The following GPR149 variants were observed in gnomAD, a reference collection of about 807,000 sequenced individuals.
GPR149 encodes G protein-coupled receptor 149.
Under a neutral mutation model 50.2 loss-of-function variants are expected in GPR149, and 50 were observed. That is an observed-to-expected ratio of 1.00 (90% CI 0.79 to 1.26). The LOEUF (loss-of-function observed/expected upper bound fraction) is 1.26, where lower values mean the gene tolerates loss of function less well. GPR149 is among the 50% of genes most tolerant of loss of function. The pLI, the probability that GPR149 is intolerant of heterozygous loss-of-function variation, is 0.00. For missense variants in GPR149, 983 were observed against 895.4 expected (o/e 1.10, Z -1.25); for synonymous variants, 405 against 358.2 (o/e 1.13, Z -1.48).
At chr3:154,368,329 G>T (rs528210162) in intron 3 of GPR149, among the ~76,000 whole-genome samples, 35 of 152,308 alleles carry the variant, frequency 2.3e-4, no homozygotes, top group African/African-American at 8.4e-4. Context: ...AATTTTTGGG[G>T]TAGTGCCCAG....
At chr3:154,368,098 C>G (rs1176342619) in intron 3 of GPR149, among the ~76,000 whole-genome samples, 1 of 152,146 alleles carries the variant, frequency 6.6e-6, no homozygotes, top group Non-Finnish European at 1.5e-5. Flanking sequence ...CCGAAGTACA[C>G]CCGGGAGTTA....
intron 3 of GPR149, among the ~76,000 whole-genome samples, chr3:154,371,376 T>C (rs568700262): frequency 6.6e-6 from 1 of 152,250 alleles, no homozygotes; most frequent in African/African-American, 2.4e-5. Flanking sequence ...TGTCCATATA[T>C]ACTGAACAGG....
intron 3 of GPR149, among the ~76,000 whole-genome samples, chr3:154,394,511 C>T (rs2108414460): frequency 6.6e-6 from 1 of 152,052 alleles, no homozygotes; most frequent in Non-Finnish European, 1.5e-5. Context: ...ATGCCAAAAG[C>T]ATGGGCAACA....
In GPR149 at chr3:154,428,730, G is replaced by T. The variant is rs755021923; in HGVS notation, c.886C>A (p.Leu296Ile). Residue 296 changes from leucine (L) to isoleucine (I), a missense_variant, in exon 1 of 4, where the codon CTC becomes ATC. Physicochemically the swap from Leu to Ile is conservative, Grantham distance 5 (BLOSUM62 2). Coordinates refer to ENST00000389740, the MANE Select transcript of GPR149 (RefSeq NM_001038705.3). ...ACGGTGAAGCTCCTGGTGCCATAGAGAGTCCCCCGGTTCTCACGCCTGCAG... is the reference window on the plus strand; with the variant it reads ...ACGGTGAAGCTCCTGGTGCCATAGATAGTCCCCCGGTTCTCACGCCTGCAG... ...EACRRENRGT[L>I]YGTRSFTVSV... is the part of the protein sequence containing the mutation. 6.2e-7 allele frequency: 1 copy of T among 1,614,100 alleles called. No homozygotes were observed. Among genetic ancestry groups the T allele is most frequent in the Non-Finnish European group, 8.5e-7 (1 of 1,180,030 alleles).
At position 154,428,896 on chromosome 3, in the gene GPR149, C is replaced by A; in HGVS notation, c.720G>T (p.Gly240=). The change falls in exon 1 of 4, where the codon GGG becomes GGT. Residue 240 remains glycine (G), a synonymous_variant. Coordinates refer to ENST00000389740, the MANE Select transcript of GPR149 (RefSeq NM_001038705.3). The part of the protein sequence containing the change: ...QEISRGASIP[G]TPPTAGRVVS... ...CCACTCTCCCCGCAGTAGGAGGGGT[C>A]CCAGGAATTGAAGCTCCACGGGAAA... 1 of 1,614,036 alleles carries A rather than the reference C, an allele frequency of 6.2e-7. No individual in the cohort carries two copies. The highest frequency in any genetic ancestry group is 8.5e-7 in the Non-Finnish European group (1 of 1,179,960).
intron 3 of GPR149, among the ~76,000 whole-genome samples, chr3:154,415,249 T>C (rs1395594938): frequency 6.6e-6 from 1 of 151,904 alleles, no homozygotes; most frequent in Non-Finnish European, 1.5e-5. Context: ...AATTCTTAGC[T>C]AACAGATAAA....
chr3:154,354,700 G>A, intron 3 of GPR149: 1 of 482,268 alleles, frequency 2.1e-6, no homozygotes, highest in South Asian at 2.7e-5. Flanking sequence ...GTACAAATTA[G>A]GTTCAATAAA....
chr3:154,363,034 T>A (rs953457671), intron 3 of GPR149, among the ~76,000 whole-genome samples: 4 of 152,128 alleles, frequency 2.6e-5, no homozygotes, highest in Admixed American at 6.5e-5. Flanking sequence ...AAAGGTCTTG[T>A]AGAAAGAAAG....
chr3:154,412,144 C>T (rs186741050), intron 3 of GPR149, among the ~76,000 whole-genome samples: 36 of 152,156 alleles, frequency 2.4e-4, no homozygotes, highest in African/African-American at 7.9e-4. Context: ...TGACAAAAGT[C>T]CAGCATCTCT....
rs1363162382 is a variant in GPR149, at chr3:154,338,025, T to C, written c.1870A>G (p.Ile624Val). The stretch of plus-strand genomic sequence containing the variant: ...TCCAAGGCCTCTTCATTATCACAAA[T>C]TTCAAGAACCTCCAAGTGTATTTTC... ...SVKIHLEVLE[I>V]CDNEEALDTV... Residue 624 changes from isoleucine (I) to valine (V), a missense_variant, in exon 4 of 4, where the codon ATT becomes GTT. Ile to Val is a conservative substitution (Grantham distance 29, BLOSUM62 3). Coordinates refer to ENST00000389740, the MANE Select transcript of GPR149 (RefSeq NM_001038705.3). 1.9e-6 allele frequency: 3 copies of C among 1,614,196 alleles called. No homozygotes were observed. Among genetic ancestry groups the C allele is most frequent in the Admixed American group, 3.3e-5 (2 of 60,014 alleles).
At position 154,338,111 on chromosome 3, in the gene GPR149, T is replaced by G; in HGVS notation, c.1784A>C (p.Lys595Thr). Residue 595 changes from lysine (K) to threonine (T), a missense_variant, in exon 4 of 4, where the codon AAA (lysine) becomes ACA (threonine). Coordinates refer to ENST00000389740, the MANE Select transcript of GPR149 (RefSeq NM_001038705.3). ...TGAGTTTGGTTCATGGCCAACACTT[T>G]TGGATCGATAGACTTCTATTTTCTT... ...ASKKIEVYRS[K>T]SVGHEPNSED... is the part of the protein sequence containing the mutation. 1 of 1,614,170 alleles carries G rather than the reference T, an allele frequency of 6.2e-7. No individual in the cohort carries two copies. Among genetic ancestry groups the G allele is most frequent in the Non-Finnish European group, 8.5e-7 (1 of 1,180,022 alleles).
chr3:154,367,161 ACTCACTC>A (rs1195555955), intron 3 of GPR149, among the ~76,000 whole-genome samples: 2 of 152,026 alleles, frequency 1.3e-5, no homozygotes, highest in African/African-American at 4.8e-5. Flanking sequence ...AAGCTGTGAA[ACTCACTC>A]CTTTCCTGCA....
chr3:154,415,652 T>C (rs948746984), intron 3 of GPR149, among the ~76,000 whole-genome samples: 3 of 152,018 alleles, frequency 2.0e-5, no homozygotes, highest in Admixed American at 1.3e-4. Flanking sequence ...TAAAAATATA[T>C]GCATAGAAAA....
intron 3 of GPR149, among the ~76,000 whole-genome samples, chr3:154,358,079 G>A (rs901301106): frequency 2.0e-5 from 3 of 149,302 alleles, no homozygotes; most frequent in African/African-American, 4.9e-5. Flanking sequence ...TCATAGGTGG[G>A]AATGGAACAA....
chr3:154,425,069 A>G (rs545934599), intron 2 of GPR149, among the ~76,000 whole-genome samples: 9 of 152,064 alleles, frequency 5.9e-5, no homozygotes, highest in South Asian at 2.1e-4. Flanking sequence ...CAAAACAACA[A>G]CAACAACAAA....
At chr3:154,365,572 G>A (rs1364823942) in intron 3 of GPR149, among the ~76,000 whole-genome samples, 1 of 151,966 alleles carries the variant, frequency 6.6e-6, no homozygotes, top group African/African-American at 2.4e-5. Context: ...TCAATCTCGA[G>A]CATTTTTTCT....
chr3:154,392,689 A>T (rs970871646), intron 3 of GPR149, among the ~76,000 whole-genome samples: 2 of 151,772 alleles, frequency 1.3e-5, no homozygotes, highest in Non-Finnish European at 3.0e-5. Flanking sequence ...CCACTAGTAG[A>T]TTAAAAAAAA....
intron 3 of GPR149, among the ~76,000 whole-genome samples, chr3:154,389,970 G>T (rs1031342266): frequency 5.9e-5 from 9 of 152,280 alleles, no homozygotes; most frequent in African/African-American, 2.2e-4. Flanking sequence ...GCTGAGGGCT[G>T]CCAGAGGCAT....
intron 3 of GPR149, among the ~76,000 whole-genome samples, chr3:154,380,169 AGAGAG>A (rs1714886003): frequency 7.1e-4 from 2 of 2,828 alleles, no homozygotes; most frequent in African/African-American, 7.1e-3. Context: ...AGAGAGACAG[AGAGAG>A]AGAGAGAGAG....
Sources: gnomAD v4.1 joint callset for allele counts (sites outside exome capture counted in the v4.1 genomes callset) on GRCh38, gnomAD v4.1.1 for gene constraint, MANE v1.5 for transcripts, NCBI Gene and HGNC (gene_info 2026-07-23, HGNC 2026-07-21) for gene names.